RASSF3: variants seen among roughly 807,000 people sequenced by gnomAD.
RASSF3 encodes ras association domain-containing protein 3.
In RASSF3, 19 loss-of-function variants were observed where a neutral mutation model predicts 19.9. That is an observed-to-expected ratio of 0.96 (90% CI 0.67 to 1.40). RASSF3 has a LOEUF of 1.40. Among genes scored for constraint, RASSF3 ranks in the 40% most tolerant of loss-of-function variants. The pLI is 0.00. For synonymous variants in RASSF3, 110 were observed against 104.2 expected, an observed-to-expected ratio of 1.06 and a Z score of -0.34; for missense variants, 306 against 289.8, an observed-to-expected ratio of 1.06 and a Z score of -0.41.
intron 1 of RASSF3, among the ~76,000 whole-genome samples, chr12:64,535,043 T>C (rs903329183): frequency 1.3e-5 from 2 of 151,920 alleles, no homozygotes; most frequent in African/African-American, 4.8e-5. Context: ...TGCTGTGTCA[T>C]TGATGATAAA....
chr12:64,615,858 A>T (rs761923037), intron 1 of RASSF3, among the ~76,000 whole-genome samples: 10 of 151,982 alleles, frequency 6.6e-5, no homozygotes, highest in Non-Finnish European at 1.5e-4. Flanking sequence ...TATTTTTAGT[A>T]GAGACGGGCT....
intron 2 of RASSF3, among the ~76,000 whole-genome samples, chr12:64,575,978 C>G (rs551078522): frequency 1.3e-5 from 2 of 151,972 alleles, no homozygotes; most frequent in African/African-American, 2.4e-5. Context: ...CAACCTCCCC[C>G]TCCCAGGTTC....
At chr12:64,550,591 G>C (rs1015670952) in intron 2 of RASSF3, among the ~76,000 whole-genome samples, 2 of 151,982 alleles carry the variant, frequency 1.3e-5, no homozygotes, top group Admixed American at 6.6e-5. Context: ...GGGAGGCAAG[G>C]TTGCAGTGAG....
intron 1 of RASSF3, among the ~76,000 whole-genome samples, chr12:64,672,501 C>T (rs1466485273): frequency 2.0e-5 from 3 of 152,134 alleles, no homozygotes; most frequent in Non-Finnish European, 4.4e-5. Context: ...GCTGGGATTA[C>T]AGGTGTGAGC....
chr12:64,618,431 A>C (rs1353845286), intron 1 of RASSF3, among the ~76,000 whole-genome samples: 1 of 152,072 alleles, frequency 6.6e-6, no homozygotes, highest in Non-Finnish European at 1.5e-5. Context: ...GGTTCAAGCA[A>C]TTCTCCTGCC....
intron 1 of RASSF3, among the ~76,000 whole-genome samples, chr12:64,518,011 G>T (rs1484598779): frequency 6.6e-6 from 1 of 152,020 alleles, no homozygotes; most frequent in African/African-American, 2.4e-5. Flanking sequence ...AGGGAAAAAT[G>T]GGGAAACTTC....
chr12:64,670,069 C>T (rs962595344), intron 1 of RASSF3, among the ~76,000 whole-genome samples: 1 of 149,026 alleles, frequency 6.7e-6, no homozygotes, highest in African/African-American at 2.5e-5. Context: ...TTTTATTTTA[C>T]AGATAATAAC....
chr12:64,606,708 G>A (rs1010803742), upstream of RASSF3, among the ~76,000 whole-genome samples: 10 of 152,204 alleles, frequency 6.6e-5, no homozygotes, highest in African/African-American at 2.2e-4. Flanking sequence ...CTAGCTACTC[G>A]GGAGGCTGAG....
At chr12:64,540,269 C>G (rs970608389) in intron 1 of RASSF3, among the ~76,000 whole-genome samples, 22 of 152,182 alleles carry the variant, frequency 1.4e-4, no homozygotes, top group Non-Finnish European at 2.6e-4. Flanking sequence ...CATTACCAGA[C>G]TCTTGATGAG....
chr12:64,689,220 G>GGGGTGTGTGT (rs111761430), intron 3 of RASSF3, among the ~76,000 whole-genome samples: 3 of 147,444 alleles, frequency 2.0e-5, no homozygotes, highest in East Asian at 2.0e-4. Flanking sequence ...TTGAAATCGG[G>GGGGTGTGTGT]GTGTGTGTGT....
intron 2 of RASSF3, among the ~76,000 whole-genome samples, chr12:64,567,937 G>A (rs1869456941): frequency 6.6e-6 from 1 of 152,256 alleles, no homozygotes; most frequent in South Asian, 2.1e-4. Context: ...CTGGATAGAA[G>A]AGAGTGTTTA....
At chr12:64,512,346 AG>A (rs1240626894) in intron 1 of RASSF3, among the ~76,000 whole-genome samples, 5 of 152,182 alleles carry the variant, frequency 3.3e-5, no homozygotes, top group Non-Finnish European at 5.9e-5. Context: ...AGCCGGGCAC[AG>A]TGGCGCATGC....
intron 1 of RASSF3, among the ~76,000 whole-genome samples, chr12:64,635,691 T>C (rs1216673520): frequency 5.9e-5 from 9 of 152,176 alleles, no homozygotes; most frequent in Admixed American, 5.9e-4. Context: ...GCACAGGCTT[T>C]TAAAAAGCGG....
chr12:64,691,201 A>G (rs1285507552), intron 3 of RASSF3, among the ~76,000 whole-genome samples: 3 of 152,218 alleles, frequency 2.0e-5, no homozygotes, highest in Non-Finnish European at 4.4e-5. Context: ...AGCTAACTAT[A>G]AGCATATTTT....
In RASSF3 at chr12:64,610,641, C is replaced by T. The variant is rs779906913; in HGVS notation, c.9C>T (p.Ser3=). ...GCGACGGGACCGGCAGCATGAGCAG[C>T]GGCTACAGCAGCCTGGAGGAGGACG... MS[S]GYSSLEEDAE... is the part of the protein sequence containing the mutation. The change falls in exon 1 of 5, where the codon AGC becomes AGT. Residue 3 remains serine, a synonymous_variant. Coordinates refer to ENST00000542104, the MANE Select transcript of RASSF3 (RefSeq NM_178169.4). The T allele has an allele frequency of 6.5e-7, 1 of 1,547,074 alleles. No homozygotes were observed. Among genetic ancestry groups the T allele is most frequent in the African/African-American group, 1.4e-5 (1 of 70,336 alleles).
At chr12:64,545,546 G>A (rs1366021615), downstream of RASSF3, among the ~76,000 whole-genome samples, 6 of 152,130 alleles carry the variant, frequency 3.9e-5, no homozygotes, top group African/African-American at 9.7e-5. Context: ...TTTGATAGAC[G>A]GGTTTATAAA....
At chr12:64,584,224 G>A (rs1360558012) in intron 2 of RASSF3, among the ~76,000 whole-genome samples, 1 of 152,184 alleles carries the variant, frequency 6.6e-6, no homozygotes, top group Non-Finnish European at 1.5e-5. Flanking sequence ...GTTCTCAACA[G>A]AGAAATCTCC....
intron 2 of RASSF3, among the ~76,000 whole-genome samples, chr12:64,563,005 A>G (rs1014090425): frequency 6.6e-6 from 1 of 151,906 alleles, no homozygotes; most frequent in African/African-American, 2.4e-5. Context: ...AATCTAACCA[A>G]TGTCCGTCTA....
At chr12:64,568,337 GT>G (rs760691490) in intron 2 of RASSF3, among the ~76,000 whole-genome samples, 4 of 152,160 alleles carry the variant, frequency 2.6e-5, no homozygotes. Flanking sequence ...CTGGCCGCTT[GT>G]TTGGTTTTTT....
Sources: allele counts gnomAD v4.1 joint callset (sites outside exome capture counted in the v4.1 genomes callset), GRCh38; gene constraint gnomAD v4.1.1; transcripts MANE v1.5; gene names NCBI Gene and HGNC (gene_info 2026-07-23, HGNC 2026-07-21).